The following RB1CC1 variants were observed in gnomAD, a reference collection of about 807,000 sequenced individuals.
RB1CC1 encodes RB1-inducible coiled-coil protein 1.
A neutral mutation model predicts 177.5 loss-of-function variants in RB1CC1; 46 were observed. That is an observed-to-expected ratio of 0.26 (90% CI 0.20 to 0.33). RB1CC1 has a LOEUF of 0.33. RB1CC1 is among the 10% of genes least tolerant of loss of function. The pLI is 1.00. For synonymous variants in RB1CC1, 666 were observed against 613.6 expected, an observed-to-expected ratio of 1.09 and a Z score of -1.26; for missense variants, 1,703 against 1,816.3, an observed-to-expected ratio of 0.94 and a Z score of 1.13.
intron 18 of RB1CC1, among the ~76,000 whole-genome samples, chr8:52,637,082 T>G (rs1849201627): frequency 6.6e-6 from 1 of 152,192 alleles, no homozygotes; most frequent in South Asian, 2.1e-4. Flanking sequence ...CATATGAATT[T>G]TAGGATCAGC....
At chr8:52,702,656 C>T (rs1163974175) in intron 1 of RB1CC1, among the ~76,000 whole-genome samples, 2 of 151,838 alleles carry the variant, frequency 1.3e-5, no homozygotes, top group Non-Finnish European at 2.9e-5. Flanking sequence ...GTGGAGGTTG[C>T]AGTGAGCCGA....
intron 5 of RB1CC1, among the ~76,000 whole-genome samples, chr8:52,681,740 C>T (rs1165364439): frequency 1.3e-5 from 2 of 152,138 alleles, no homozygotes; most frequent in African/African-American, 2.4e-5. Flanking sequence ...AGACCAACCT[C>T]GGCAACGCAG....
chr8:52,673,803 G>C lies in RB1CC1; in HGVS notation c.1002+42C>G, dbSNP rs375431419. Reference sequence around the variant, plus strand: ...AAATATTTAGGATAAATAATATAAAGTAGTAAAATGACAAAACAAACATCA... The same window carrying C: ...AAATATTTAGGATAAATAATATAAACTAGTAAAATGACAAAACAAACATCA... On this transcript the variant is annotated intron_variant, in intron 7 of 23. Transcript: ENST00000025008. 105 of 1,493,560 alleles carry C rather than the reference G, an allele frequency of 7.0e-5. No homozygotes were observed. In the African/African-American group the frequency reaches 1.4e-3, roughly 19 times the overall value. The allele number at this position is 1,493,560 out of a possible 1,614,324, so 92.5% of individuals were successfully genotyped here.
chr8:52,653,503 C>T (rs993265696), intron 15 of RB1CC1, among the ~76,000 whole-genome samples: 1 of 152,110 alleles, frequency 6.6e-6, no homozygotes, highest in Non-Finnish European at 1.5e-5. Flanking sequence ...AAACAGAAAA[C>T]TCTAGATCTA....
intron 1 of RB1CC1, among the ~76,000 whole-genome samples, chr8:52,703,028 T>C (rs1459741842): frequency 6.6e-6 from 1 of 152,018 alleles, no homozygotes; most frequent in East Asian, 1.9e-4. Flanking sequence ...AGAATCCAAA[T>C]AGTAACTTAG....
At chr8:52,684,930 CTT>C (rs894600617) in intron 3 of RB1CC1, among the ~76,000 whole-genome samples, 9 of 150,814 alleles carry the variant, frequency 6.0e-5, no homozygotes, top group Admixed American at 1.3e-4. Context: ...TGTAACTAGT[CTT>C]TTAGAGAAAG....
intron 7 of RB1CC1, among the ~76,000 whole-genome samples, chr8:52,668,577 G>A (rs1268436416): frequency 5.3e-5 from 8 of 152,118 alleles, no homozygotes; most frequent in Non-Finnish European, 1.2e-4. Flanking sequence ...CCCTCCTGGA[G>A]ATAGAAGATA....
intron 6 of RB1CC1, among the ~76,000 whole-genome samples, chr8:52,675,982 A>C (rs999559388): frequency 1.3e-5 from 2 of 152,008 alleles, no homozygotes; most frequent in African/African-American, 4.8e-5. Flanking sequence ...ATTTACAAAG[A>C]ACTTAAAATT....
At chr8:52,671,429 T>C (rs1852589382) in intron 7 of RB1CC1, among the ~76,000 whole-genome samples, 1 of 152,224 alleles carries the variant, frequency 6.6e-6, no homozygotes, top group Admixed American at 6.5e-5. Flanking sequence ...GTAGGTTAGT[T>C]GTTTTGGACA....
intron 3 of RB1CC1, 29 bp downstream of exon 3, chr8:52,685,370 G>GA (rs756294567): frequency 9.9e-4 from 1,429 of 1,446,382 alleles, no homozygotes; most frequent in Middle Eastern, 5.2e-3. Context: ...GACAGAATGC[G>GA]AAAAAAAAAT....
At chr8:52,661,303 T>C in intron 9 of RB1CC1, 22 bp from the exon 10 acceptor site, 1 of 1,603,776 alleles carries the variant, frequency 6.2e-7, no homozygotes, top group Non-Finnish European at 8.5e-7. Context: ...AATCCATTAT[T>C]TTCAACATTC....
chr8:52,686,536 G>A (rs1201327447), intron 2 of RB1CC1, among the ~76,000 whole-genome samples: 1 of 151,992 alleles, frequency 6.6e-6, no homozygotes, highest in African/African-American at 2.4e-5. Flanking sequence ...ACAGAGAAAG[G>A]CCCTATCTCA....
chr8:52,627,908 C>A, intron 22 of RB1CC1, 124 bp downstream of exon 22: 1 of 758,016 alleles, frequency 1.3e-6, no homozygotes. Flanking sequence ...TATAAAAAAG[C>A]AGATTACACA....
At chr8:52,661,399 A>C in intron 9 of RB1CC1, 118 bp from the exon 10 acceptor site, 1 of 1,463,102 alleles carries the variant, frequency 6.8e-7, no homozygotes, top group African/African-American at 1.4e-5. Flanking sequence ...AAGCTCTACA[A>C]AAATAGTCTA....
At chr8:52,689,015 T>C (rs1304297148) in intron 1 of RB1CC1, among the ~76,000 whole-genome samples, 1 of 152,206 alleles carries the variant, frequency 6.6e-6, no homozygotes, top group African/African-American at 2.4e-5. Context: ...CGCCTTACCT[T>C]TGTAGTAGAG....
At chr8:52,706,494 A>G (rs1467911266) in intron 1 of RB1CC1, among the ~76,000 whole-genome samples, 1 of 151,146 alleles carries the variant, frequency 6.6e-6, no homozygotes, top group Non-Finnish European at 1.5e-5. Context: ...CTCCTTTGGG[A>G]GGCCGAGGCA....
intron 15 of RB1CC1, among the ~76,000 whole-genome samples, chr8:52,653,049 C>T (rs1449125656): frequency 2.6e-5 from 4 of 152,132 alleles, no homozygotes; most frequent in African/African-American, 9.7e-5. Context: ...AAGAGCGAAA[C>T]TCCGTCTCAA....
At chr8:52,708,694 A>C (rs1026854023) in intron 1 of RB1CC1, among the ~76,000 whole-genome samples, 24 of 152,146 alleles carry the variant, frequency 1.6e-4, no homozygotes, top group East Asian at 1.5e-3. Context: ...GGAAAAACCT[A>C]TCTCTCATTA....
intron 7 of RB1CC1, 80 bp downstream of exon 7, chr8:52,673,763 TTC>T: frequency 1.6e-6 from 2 of 1,289,218 alleles, no homozygotes; most frequent in Non-Finnish European, 2.1e-6. Flanking sequence ...GTAATACCCA[TTC>T]TCTCAGTACA....
Sources: allele counts gnomAD v4.1 joint callset (sites outside exome capture counted in the v4.1 genomes callset), GRCh38; gene constraint gnomAD v4.1.1; transcripts MANE v1.5; gene names NCBI Gene and HGNC (gene_info 2026-07-23, HGNC 2026-07-21).